OVOL1: variants seen among roughly 807,000 people sequenced by gnomAD.
OVOL1 encodes ovo like transcriptional repressor 1, also known as putative transcription factor Ovo-like 1.
In OVOL1, 10 loss-of-function variants were observed where a neutral mutation model predicts 21.5. The observed-to-expected ratio is 0.46, with a 90% confidence interval of 0.29 to 0.79. OVOL1 has a LOEUF of 0.79. OVOL1 is among the 30% of genes least tolerant of loss of function. The pLI, the probability that OVOL1 is intolerant of heterozygous loss-of-function variation, is 0.10. For missense variants in OVOL1, 279 were observed against 362.3 expected (o/e 0.77, Z 1.87); for synonymous variants, 129 against 150.3 (o/e 0.86, Z 1.03).
intron 1 of OVOL1, among the ~76,000 whole-genome samples, chr11:65,788,154 C>T (rs1041627085): frequency 6.6e-6 from 1 of 152,252 alleles, no homozygotes; most frequent in Non-Finnish European, 1.5e-5. Context: ...TAGAAACGCA[C>T]TTCCTTCACC....
At position 65,795,088 on chromosome 11, in the gene OVOL1, C is replaced by G; in HGVS notation, c.551C>G (p.Thr184Arg). Residue 184 changes from threonine to arginine, a missense_variant, in exon 4 of 4, where the codon ACG (threonine) becomes AGG (arginine). Thr to Arg is a moderately conservative substitution (Grantham distance 71). Coordinates refer to ENST00000335987, the MANE Select transcript of OVOL1 (RefSeq NM_004561.4). This position sits in a 1 kb window ranked among gnomAD's most constrained non-coding sequence, Gnocchi z 5.7. Reference sequence around the variant, plus strand: ...TGCAGCCTGTGTGACAAGGCCTTCACGCAGCGCTGCTCTCTGGAGTCTCAC... The same window carrying G: ...TGCAGCCTGTGTGACAAGGCCTTCAGGCAGCGCTGCTCTCTGGAGTCTCAC... ...YKCSLCDKAF[T>R]QRCSLESHLK... is the part of the protein sequence containing the mutation. 6.2e-7 allele frequency: 1 copy of G among 1,613,558 alleles called. No individual in the cohort carries two copies. The highest frequency in any genetic ancestry group is 8.5e-7 in the Non-Finnish European group (1 of 1,180,012).
chr11:65,793,350 A>C (rs1858062630), intron 1 of OVOL1, among the ~76,000 whole-genome samples: 1 of 152,084 alleles, frequency 6.6e-6, no homozygotes, highest in Admixed American at 6.5e-5. Context: ...GGTCCTGCCG[A>C]GGGGGAGGGT....
chr11:65,794,494 C>T (rs555308117), intron 2 of OVOL1, 44 bp from the exon 3 acceptor site: 3 of 1,583,910 alleles, frequency 1.9e-6, no homozygotes, highest in South Asian at 2.2e-5. Flanking sequence ...AGCCTGTGGC[C>T]CCAACTTCTG....
At position 65,794,028 on chromosome 11, in the gene OVOL1, C is replaced by G; in HGVS notation, c.101-3C>G. 2 of 1,612,860 alleles carry G rather than the reference C, an allele frequency of 1.2e-6. No individual in the cohort carries two copies. Among genetic ancestry groups the G allele is most frequent in the Non-Finnish European group, 1.7e-6 (2 of 1,179,196 alleles). On this transcript the variant is annotated splice_polypyrimidine_tract_variant and splice_region_variant and intron_variant, in intron 1 of 3. Transcript: ENST00000335987. ...GCCTCTCACCTGTCTGTTCTCTCCC[C>G]AGTCAGCCTGGGCTTCTGCCCACCA...
rs781455064 is a variant in OVOL1 at position 65,794,742 on chromosome 11, A to G, written c.508+15A>G. On this transcript the variant is annotated intron_variant, in intron 3 of 3. Coordinates refer to ENST00000335987, the MANE Select transcript of OVOL1 (RefSeq NM_004561.4). ...AACTCACACTGGTAAGTGGAAGCCC[A>G]CGGCTGGGAGGAGCACGCCGGATCC... is the stretch of plus-strand genomic sequence containing the variant. The G allele has an allele frequency of 5.0e-6, 8 of 1,611,454 alleles. No individual in the cohort carries two copies. In the East Asian group the frequency reaches 1.6e-4, roughly 31 times the overall value.
In OVOL1 at chr11:65,787,449, G is replaced by C. The variant is rs1857927146; in HGVS notation, c.76G>C (p.Glu26Gln). Residue 26 changes from glutamate (E) to glutamine (Q), a missense_variant, in exon 1 of 4, where the codon GAG (glutamate) becomes CAG (glutamine). Coordinates refer to ENST00000335987, the MANE Select transcript of OVOL1 (RefSeq NM_004561.4). The part of the protein sequence containing the change: ...KRNWSELPDE[E>Q]RGEIYVPVSL... ...GAACTGGAGCGAGCTCCCCGACGAG[G>C]AGCGCGGCGAGATCTACGTGCCAGG... 1 of 1,582,896 alleles carries C rather than the reference G, an allele frequency of 6.3e-7. No homozygotes were observed. The highest frequency in any genetic ancestry group is 1.7e-5 in the Admixed American group (1 of 57,406).
intron 1 of OVOL1, chr11:65,792,361 A>G (rs952970810): frequency 6.6e-6 from 1 of 152,182 alleles, no homozygotes; most frequent in East Asian, 1.9e-4. Context: ...CAGGCAGAGG[A>G]GGGTAGAGGT....
rs997992528 is a variant in OVOL1, at chr11:65,788,406, G to A, written c.100+933G>A. The A allele has an allele frequency of 1.5e-5, 15 of 976,686 alleles. No homozygotes were observed. The African/African-American group carries it at 2.3e-4, about 15-fold the overall frequency. The allele number at this position is 976,686 out of a possible 1,614,324, so 60.5% of individuals were successfully genotyped here. A position where few individuals can be genotyped will look rare whatever the true frequency, so the allele number is the denominator to read the frequency against. On this transcript the variant is annotated intron_variant, in intron 1 of 3. Coordinates refer to ENST00000335987, the MANE Select transcript of OVOL1 (RefSeq NM_004561.4). ...GTCTGGAGAAAGCCTGCTTCCTTCC[G>A]AACGCCCCCTCCCCAGGCCTTGGGG...
rs1028308221 is a variant in OVOL1, at chr11:65,792,683, G to A, written c.101-1348G>A. ...GCTCATTAAAGGCCCCCGGACAGAC[G>A]GACGCCAGTGCCTGCAGGACGGGTT... On this transcript the variant is annotated intron_variant, in intron 1 of 3. Coordinates refer to ENST00000335987, the MANE Select transcript of OVOL1 (RefSeq NM_004561.4). Among the ~76,000 whole-genome samples, 16 of 152,338 alleles carry A rather than the reference G, an allele frequency of 1.1e-4. No homozygotes were observed. The East Asian group carries it at 1.4e-3, about 13-fold the overall frequency.
intron 2 of OVOL1, 125 bp downstream of exon 2, chr11:65,794,373 C>T (rs1858085575): frequency 2.7e-6 from 3 of 1,111,724 alleles, no homozygotes; most frequent in Non-Finnish European, 3.9e-6. Context: ...AAGGTTTCTG[C>T]AGAGGAGTGC....
intron 1 of OVOL1, among the ~76,000 whole-genome samples, chr11:65,792,030 C>T (rs956712569): frequency 6.6e-6 from 1 of 152,174 alleles, no homozygotes. Context: ...ACCCTGGCAG[C>T]GGGTGGCCGC....
chr11:65,794,770 C>G, intron 3 of OVOL1, 43 bp downstream of exon 3: 1 of 1,584,618 alleles, frequency 6.3e-7, no homozygotes, highest in South Asian at 1.1e-5. Flanking sequence ...CCGGATCCGC[C>G]TGGCCGCGGC....
At chr11:65,791,184 A>G (rs1858009450) in intron 1 of OVOL1, among the ~76,000 whole-genome samples, 1 of 152,206 alleles carries the variant, frequency 6.6e-6, no homozygotes, top group Non-Finnish European at 1.5e-5. Context: ...AGGCCAAGAG[A>G]CTGGCCCATG....
Position 65,787,447 on chromosome 11 carries a change from A to G in OVOL1, c.74A>G (p.Glu25Gly). ...AGGAACTGGAGCGAGCTCCCCGACG[A>G]GGAGCGCGGCGAGATCTACGTGCCA... is the stretch of plus-strand genomic sequence containing the variant. ...CKRNWSELPD[E>G]ERGEIYVPVS... The change falls in exon 1 of 4, where the codon GAG becomes GGG. Residue 25 changes from glutamate (E) to glycine (G), a missense_variant. Transcript: ENST00000335987. 1.3e-6 allele frequency: 2 copies of G among 1,575,312 alleles called. No homozygotes were observed. The highest frequency in any genetic ancestry group is 1.1e-5 in the South Asian group (1 of 87,742).
At chr11:65,793,149 C>A (rs642803) in intron 1 of OVOL1, among the ~76,000 whole-genome samples, 1 of 152,034 alleles carries the variant, frequency 6.6e-6, no homozygotes, top group Admixed American at 6.5e-5. Flanking sequence ...TTGAGAATTG[C>A]CTGTCTGTGT....
intron 1 of OVOL1, chr11:65,790,831 A>C (rs1858001328): frequency 6.6e-6 from 1 of 152,366 alleles, no homozygotes; most frequent in South Asian, 2.1e-4. Flanking sequence ...CCGAGGCGGA[A>C]ACCTGGCAGA....
rs113207303 is a variant in OVOL1, at chr11:65,789,861, C to T, written c.100+2388C>T. On this transcript the variant is annotated intron_variant, in intron 1 of 3. Transcript: ENST00000335987. The stretch of plus-strand genomic sequence containing the variant: ...CCAGAGACACTGGTCCCCAGCCCGA[C>T]AGCACTGATTCCAGGGCCCCAGTTT... 1.3e-3 allele frequency: 230 copies of T among 183,622 alleles called. 4 individuals are homozygous for T. The highest frequency in any genetic ancestry group is 5.2e-3 in the African/African-American group (217 of 42,088). The allele number at this position is 183,622 out of a possible 1,614,324, so 11.4% of individuals were successfully genotyped here. A position where few individuals can be genotyped will look rare whatever the true frequency, so the allele number is the denominator to read the frequency against.
intron 1 of OVOL1, 27 bp downstream of exon 1, chr11:65,787,500 G>A: frequency 9.2e-6 from 13 of 1,412,126 alleles, no homozygotes; most frequent in Non-Finnish European, 1.2e-5. Context: ...CCTCCGGCCT[G>A]GGGCACCCGC....
At chr11:65,791,515 TG>T (rs986914956) in intron 1 of OVOL1, among the ~76,000 whole-genome samples, 1 of 152,176 alleles carries the variant, frequency 6.6e-6, no homozygotes, top group East Asian at 1.9e-4. Context: ...AGGCCTTGGA[TG>T]GGGGGACCCG....
Sources: gnomAD v4.1 joint callset for allele counts (sites outside exome capture counted in the v4.1 genomes callset) on GRCh38, gnomAD v4.1.1 for gene constraint, Gnocchi (gnomAD v3.1) non-coding constraint, MANE v1.5 for transcripts, NCBI Gene and HGNC (gene_info 2026-07-23, HGNC 2026-07-21) for gene names.